Variants in ALK observed in about 807,000 individuals in gnomAD.
ALK encodes the protein ALK receptor tyrosine kinase, also known as ALK tyrosine kinase receptor.
In ALK, 74 loss-of-function variants were observed where a neutral mutation model predicts 163.1. The ratio of observed to expected loss-of-function variants is 0.45; its 90% CI spans 0.38 to 0.55. The LOEUF (loss-of-function observed/expected upper bound fraction) is 0.55. ALK is among the 20% of genes least tolerant of loss of function. ALK has a pLI of 0.00. For missense variants in ALK, 2,063 were observed against 2,105.3 expected, an observed-to-expected ratio of 0.98 and a Z score of 0.39; for synonymous variants, 960 against 843.2, an observed-to-expected ratio of 1.14 and a Z score of -2.40.
chr2:29,239,561 G>C, intron 13 of ALK, 119 bp downstream of exon 13: 1 of 1,258,758 alleles, frequency 7.9e-7, no homozygotes, highest in Non-Finnish European at 1.1e-6. Flanking sequence ...ATTACTCTTT[G>C]CTGTCTCATT....
chr2:29,282,246 A>C (rs902180259), intron 9 of ALK, among the ~76,000 whole-genome samples: 6 of 152,172 alleles, frequency 3.9e-5, no homozygotes, highest in Non-Finnish European at 7.3e-5. Flanking sequence ...CTGCACAGTT[A>C]ATTTGCTCTG....
Position 29,193,485 on chromosome 2 carries a change from C to T in ALK, c.4602G>A (p.Gly1534=), listed in dbSNP as rs1187162555. The part of the protein sequence containing the change: ...KKEPHDRGNL[G]LEGSCTVPPN... ...GTGGGACAGTACAGCTTCCCTCCAG[C>T]CCCAGGTTACCCCTGTCGTGTGGCT... Residue 1534 remains glycine, a synonymous_variant, in exon 29 of 29, where the codon GGG becomes GGA. Coordinates refer to ENST00000389048, the MANE Select transcript of ALK (RefSeq NM_004304.5). The T allele has an allele frequency of 6.2e-7, 1 of 1,614,170 alleles. No homozygotes were observed. The highest frequency in any genetic ancestry group is 1.7e-5 in the Admixed American group (1 of 60,018).
In ALK at chr2:29,297,066, G is replaced by T. The variant is rs763269771; in HGVS notation, c.1648-9C>A. On this transcript the variant is annotated splice_polypyrimidine_tract_variant and intron_variant, in intron 8 of 28. Coordinates refer to ENST00000389048, the MANE Select transcript of ALK (RefSeq NM_004304.5). ...AGCCAGGACATTCGGAGCTGTGAGG[G>T]CGAGAAGAGTCAGAGGACAAGGTAT... is the stretch of plus-strand genomic sequence containing the variant. 3.1e-6 allele frequency: 5 copies of T among 1,614,012 alleles called. No individual in the cohort carries two copies. The highest frequency in any genetic ancestry group is 3.3e-5 in the Admixed American group (2 of 60,002).
chr2:29,839,798 C>T (rs1485967852), intron 1 of ALK, among the ~76,000 whole-genome samples: 3 of 152,086 alleles, frequency 2.0e-5, no homozygotes. Flanking sequence ...CTCTTGGTGT[C>T]TCTTCTGTGA....
rs1663936911 is a variant in ALK at position 29,225,395 on chromosome 2, G to C, written c.3172+66C>G. 3.6e-6 allele frequency: 5 copies of C among 1,390,578 alleles called. No individual in the cohort carries two copies. In the Admixed American group the frequency reaches 9.6e-5, roughly 27 times the overall value. The allele number at this position is 1,390,578 out of a possible 1,614,324, so 86.1% of individuals were successfully genotyped here. A position where few individuals can be genotyped will look rare whatever the true frequency, so the allele number is the denominator to read the frequency against. ...GTGACACCTTGGCACCTGTGGCACA[G>C]CCTGAGACACTATTCAGTCCTGCCT... is the stretch of plus-strand genomic sequence containing the variant. On this transcript the variant is annotated intron_variant, in intron 19 of 28. Coordinates refer to ENST00000389048, the MANE Select transcript of ALK (RefSeq NM_004304.5).
At chr2:29,272,185 G>GGAGGGAGGGAGAGAGAGAGAGA (rs1553402255) in intron 11 of ALK, among the ~76,000 whole-genome samples, 6 of 145,154 alleles carry the variant, frequency 4.1e-5, no homozygotes, top group Non-Finnish European at 7.6e-5. Flanking sequence ...GTCGGGTGAG[G>GGAGGGAGGGAGAGAGAGAGAGA]GAGAGAGAGA....
At chr2:29,871,668 C>T (rs1345615103) in intron 1 of ALK, among the ~76,000 whole-genome samples, 1 of 152,182 alleles carries the variant, frequency 6.6e-6, no homozygotes, top group Non-Finnish European at 1.5e-5. Flanking sequence ...GGACACTCTA[C>T]AGTGGTTGCT....
chr2:29,548,459 C>A (rs1387105667), intron 3 of ALK, among the ~76,000 whole-genome samples: 1 of 147,950 alleles, frequency 6.8e-6, no homozygotes, highest in Non-Finnish European at 1.5e-5. Flanking sequence ...GGCGACAGAG[C>A]AAGACTCGGT....
chr2:29,339,403 A>G (rs1333424359), intron 5 of ALK, among the ~76,000 whole-genome samples: 1 of 152,226 alleles, frequency 6.6e-6, no homozygotes, highest in African/African-American at 2.4e-5. Context: ...AGCTGAGGCC[A>G]GTACGTCTCA....
intron 4 of ALK, among the ~76,000 whole-genome samples, chr2:29,437,321 C>T (rs1670426535): frequency 6.6e-6 from 1 of 152,092 alleles, no homozygotes; most frequent in Non-Finnish European, 1.5e-5. Flanking sequence ...TTGGTTTGAA[C>T]ATACGTAATG....
intron 1 of ALK, among the ~76,000 whole-genome samples, chr2:29,760,293 G>C (rs1193862517): frequency 1.3e-5 from 2 of 152,086 alleles, no homozygotes; most frequent in African/African-American, 4.8e-5. Context: ...GGGACTTCTG[G>C]TGCCAACACT....
intron 1 of ALK, among the ~76,000 whole-genome samples, chr2:29,796,331 CA>C (rs754019955): frequency 3.3e-5 from 5 of 152,066 alleles, no homozygotes; most frequent in Admixed American, 6.6e-5. Flanking sequence ...CAAACGTTAG[CA>C]GCCAATTTCA....
chr2:29,318,013 C>A (rs1480112641), intron 8 of ALK, among the ~76,000 whole-genome samples: 2 of 152,240 alleles, frequency 1.3e-5, no homozygotes, highest in Non-Finnish European at 2.9e-5. Flanking sequence ...ATCCTTGTCA[C>A]TCTCCCTTGT....
intron 3 of ALK, among the ~76,000 whole-genome samples, chr2:29,568,906 G>A (rs1674272667): frequency 6.6e-6 from 1 of 151,710 alleles, no homozygotes; most frequent in African/African-American, 2.4e-5. Flanking sequence ...TGTATGGTCT[G>A]TAGGAGGGGC....
At chr2:29,747,800 C>T (rs751072321) in intron 1 of ALK, among the ~76,000 whole-genome samples, 1 of 152,184 alleles carries the variant, frequency 6.6e-6, no homozygotes, top group Non-Finnish European at 1.5e-5. Flanking sequence ...CTTTTGATGC[C>T]TAAAGTTCCT....
intron 5 of ALK, among the ~76,000 whole-genome samples, chr2:29,364,768 C>T (rs932314193): frequency 1.3e-5 from 2 of 152,176 alleles, no homozygotes; most frequent in Non-Finnish European, 2.9e-5. Context: ...TTAATTAATT[C>T]ATCCATTCAT....
intron 3 of ALK, among the ~76,000 whole-genome samples, chr2:29,605,479 G>A (rs1675518055): frequency 6.6e-6 from 1 of 152,210 alleles, no homozygotes. Context: ...AACCCCCAGT[G>A]TGATAGCATT....
intron 11 of ALK, among the ~76,000 whole-genome samples, chr2:29,273,844 A>G (rs1665458636): frequency 6.6e-6 from 1 of 152,158 alleles, no homozygotes; most frequent in Non-Finnish European, 1.5e-5. Flanking sequence ...GTGGAGGTGA[A>G]TCACTGGGCC....
chr2:29,572,077 C>T lies in ALK; in HGVS notation c.953-39961G>A, dbSNP rs1450863360. Among the ~76,000 whole-genome samples, 3 of 152,282 alleles carry T rather than the reference C, an allele frequency of 2.0e-5. No homozygotes were observed. In the East Asian group the frequency reaches 5.8e-4, roughly 29 times the overall value. ...GGAGCTCAGCTCCCTGGAGGCAACG[C>T]TTAACTTTGTATCCTGCAAGGTGGG... On this transcript the variant is annotated intron_variant, in intron 3 of 28. Coordinates refer to ENST00000389048, the MANE Select transcript of ALK (RefSeq NM_004304.5).
Sources: gnomAD v4.1 joint callset for allele counts (sites outside exome capture counted in the v4.1 genomes callset) on GRCh38, gnomAD v4.1.1 for gene constraint, MANE v1.5 for transcripts, NCBI Gene and HGNC (gene_info 2026-07-23, HGNC 2026-07-21) for gene names.